The following SLC35D2 variants were observed in gnomAD, a reference collection of about 807,000 sequenced individuals.
SLC35D2 encodes nucleotide sugar transporter SLC35D2.
A neutral mutation model predicts 41.8 loss-of-function variants in SLC35D2; 43 were observed. That is an observed-to-expected ratio of 1.03 (90% CI 0.81 to 1.33). SLC35D2 has a LOEUF of 1.33. Among genes scored for constraint, SLC35D2 ranks in the 40% most tolerant of loss-of-function variants. The pLI is 0.00. For missense variants in SLC35D2, 380 were observed against 408.4 expected, an observed-to-expected ratio of 0.93 and a Z score of 0.60; for synonymous variants, 150 against 163.9, an observed-to-expected ratio of 0.92 and a Z score of 0.65.
Position 96,321,993 on chromosome 9 carries a change from C to G in SLC35D2, c.914+5G>C. The G allele has an allele frequency of 1.3e-6, 2 of 1,547,834 alleles. No homozygotes were observed. The highest frequency in any genetic ancestry group is 1.8e-6 in the Non-Finnish European group (2 of 1,123,358). On this transcript the variant is annotated splice_donor_5th_base_variant and intron_variant, in intron 11 of 11. Coordinates refer to ENST00000253270, the MANE Select transcript of SLC35D2 (RefSeq NM_007001.3). ...AAAGCGAGTCCATTAAAAATTCCCACTCACCAAATATTTAACCCTACAAAG... is the reference window on the plus strand; with the variant it reads ...AAAGCGAGTCCATTAAAAATTCCCAGTCACCAAATATTTAACCCTACAAAG...
At chr9:96,325,884 C>T (rs1280289538) in intron 9 of SLC35D2, among the ~76,000 whole-genome samples, 1 of 152,130 alleles carries the variant, frequency 6.6e-6, no homozygotes, top group Non-Finnish European at 1.5e-5. Context: ...CACAAACCTT[C>T]AACACGATAA....
At chr9:96,352,284 C>T (rs1174234734) in intron 4 of SLC35D2, among the ~76,000 whole-genome samples, 175 bp from the exon 5 acceptor site, 3 of 151,908 alleles carry the variant, frequency 2.0e-5, no homozygotes, top group Non-Finnish European at 4.4e-5. Flanking sequence ...AATTTCATAC[C>T]ACTTTCACTT....
chr9:96,316,561 G>A (rs1468545269), downstream of SLC35D2, among the ~76,000 whole-genome samples: 23 of 152,002 alleles, frequency 1.5e-4, 1 homozygote, highest in South Asian at 4.8e-3. Flanking sequence ...CAAATCCCCT[G>A]GGATAAATGC....
At chr9:96,339,522 G>A (rs537652776) in intron 8 of SLC35D2, among the ~76,000 whole-genome samples, 1 of 152,200 alleles carries the variant, frequency 6.6e-6, no homozygotes, top group Non-Finnish European at 1.5e-5. Flanking sequence ...AAAAAATAAT[G>A]TAGCATTATT....
At chr9:96,354,293 C>G (rs753244542) in intron 4 of SLC35D2, among the ~76,000 whole-genome samples, 6 of 152,160 alleles carry the variant, frequency 3.9e-5, no homozygotes, top group Non-Finnish European at 8.8e-5. Context: ...ACAAACATCT[C>G]ATTTGGAAAG....
intron 7 of SLC35D2, 73 bp downstream of exon 7, chr9:96,345,226 A>T (rs1174920904): frequency 4.0e-6 from 3 of 742,924 alleles, no homozygotes; most frequent in Non-Finnish European, 7.0e-6. Flanking sequence ...AACTGTACAC[A>T]TTCATTTTCA....
At chr9:96,348,092 G>A (rs1024923918) in intron 6 of SLC35D2, among the ~76,000 whole-genome samples, 4 of 152,108 alleles carry the variant, frequency 2.6e-5, no homozygotes, top group Admixed American at 6.6e-5. Context: ...TTGCTTTCAC[G>A]CTGCACTGCA....
chr9:96,375,776 G>C (rs1447132467), intron 1 of SLC35D2, among the ~76,000 whole-genome samples: 1 of 152,062 alleles, frequency 6.6e-6, no homozygotes, highest in Non-Finnish European at 1.5e-5. Flanking sequence ...GCAGCACTTT[G>C]AGAGGCCAAG....
intron 1 of SLC35D2, 55 bp from the exon 2 acceptor site, chr9:96,368,360 A>C: frequency 1.5e-6 from 2 of 1,297,432 alleles, no homozygotes; most frequent in Non-Finnish European, 2.2e-6. Context: ...CTCTGAAGAT[A>C]GTACATAATA....
chr9:96,351,026 G>GA, intron 6 of SLC35D2, 77 bp downstream of exon 6: 1 of 1,122,160 alleles, frequency 8.9e-7, no homozygotes, highest in East Asian at 2.4e-5. Flanking sequence ...GATGGAAAAT[G>GA]AAAAACTGAG....
chr9:96,357,774 C>T (rs1043288323), intron 4 of SLC35D2, among the ~76,000 whole-genome samples: 1 of 151,960 alleles, frequency 6.6e-6, no homozygotes, highest in Non-Finnish European at 1.5e-5. Context: ...CACAGTGGCT[C>T]ATTTCTGTAA....
intron 1 of SLC35D2, among the ~76,000 whole-genome samples, chr9:96,380,640 T>TG (rs1164286744): frequency 6.6e-6 from 1 of 151,474 alleles, no homozygotes; most frequent in Non-Finnish European, 1.5e-5. Context: ...TTTTGTTTGT[T>TG]TTTTTTGTAT....
chr9:96,363,407 C>G (rs906824726), intron 3 of SLC35D2, among the ~76,000 whole-genome samples: 1 of 152,136 alleles, frequency 6.6e-6, no homozygotes, highest in Non-Finnish European at 1.5e-5. Flanking sequence ...CAGCAGCAAA[C>G]CAGCCACATG....
chr9:96,382,714 T>C (rs1831257188), intron 1 of SLC35D2, among the ~76,000 whole-genome samples: 1 of 152,142 alleles, frequency 6.6e-6, no homozygotes, highest in African/African-American at 2.4e-5. Context: ...AAAATGTTGA[T>C]GGCATATTCT....
chr9:96,338,555 CAAAAAAA>C (rs58788876), intron 8 of SLC35D2, among the ~76,000 whole-genome samples: 2 of 115,792 alleles, frequency 1.7e-5, no homozygotes, highest in Admixed American at 2.0e-4. Context: ...GACCCTGTCT[CAAAAAAA>C]AAAAAAAAAA....
At chr9:96,363,017 C>T (rs1407893511) in intron 3 of SLC35D2, among the ~76,000 whole-genome samples, 1 of 151,926 alleles carries the variant, frequency 6.6e-6, no homozygotes, top group East Asian at 1.9e-4. Context: ...CAGGTGTGCG[C>T]CACCACGCCC....
At chr9:96,334,326 T>C (rs918373436) in intron 9 of SLC35D2, among the ~76,000 whole-genome samples, 2 of 152,158 alleles carry the variant, frequency 1.3e-5, no homozygotes, top group African/African-American at 4.8e-5. Context: ...CAATTTCAGC[T>C]CATGGGACTG....
chr9:96,383,022 A>T (rs560102146), intron 1 of SLC35D2, among the ~76,000 whole-genome samples: 1 of 152,206 alleles, frequency 6.6e-6, no homozygotes, highest in East Asian at 1.9e-4. Context: ...ACTCCATATG[A>T]ACTTCCAATT....
chr9:96,368,719 T>C (rs1471761879), intron 1 of SLC35D2, among the ~76,000 whole-genome samples: 1 of 149,084 alleles, frequency 6.7e-6, no homozygotes, highest in Non-Finnish European at 1.5e-5. Context: ...ATATATATTA[T>C]ATATATTATA....
Sources: allele counts gnomAD v4.1 joint callset (sites outside exome capture counted in the v4.1 genomes callset), GRCh38; gene constraint gnomAD v4.1.1; transcripts MANE v1.5; gene names NCBI Gene and HGNC (gene_info 2026-07-23, HGNC 2026-07-21).